Variants in GPHN observed in about 807,000 individuals in gnomAD.
The protein encoded by GPHN is gephyrin.
Under a neutral mutation model 95.5 loss-of-function variants are expected in GPHN, and 17 were observed. That is an observed-to-expected ratio of 0.18 (90% CI 0.12 to 0.27). The LOEUF (loss-of-function observed/expected upper bound fraction) is 0.27. Among genes scored for constraint, GPHN ranks in the 10% least tolerant of loss-of-function variants. The pLI is 1.00. For synonymous variants in GPHN, 320 were observed against 322.5 expected (o/e 0.99, Z 0.08); for missense variants, 660 against 978.1 (o/e 0.67, Z 4.34).
the GPHN span, among the ~76,000 whole-genome samples, chr14:67,258,454 A>G: frequency 3.9e-5 from 6 of 152,106 alleles, no homozygotes; most frequent in African/African-American, 1.2e-4. Flanking sequence ...GAGGATTGCA[A>G]CTGTTGTCCA....
At chr14:66,904,427 T>C (rs1298024538) in intron 5 of GPHN, among the ~76,000 whole-genome samples, 1 of 152,166 alleles carries the variant, frequency 6.6e-6, no homozygotes, top group Admixed American at 6.5e-5. Flanking sequence ...AGAGCGGTGA[T>C]TGGTGCGTTT....
intron 10 of GPHN, among the ~76,000 whole-genome samples, chr14:67,051,977 G>GA (rs1255473246): frequency 2.6e-5 from 4 of 151,456 alleles, no homozygotes; most frequent in Non-Finnish European, 5.9e-5. Flanking sequence ...AATATGGAAA[G>GA]AAAAAACCAA....
intron 10 of GPHN, among the ~76,000 whole-genome samples, chr14:67,036,145 T>A (rs906652481): frequency 2.6e-5 from 4 of 151,918 alleles, no homozygotes; most frequent in Non-Finnish European, 5.9e-5. Flanking sequence ...TCTCAAAAGG[T>A]GCAGAAAATG....
At chr14:67,286,373 T>G in the GPHN span, among the ~76,000 whole-genome samples, 35 of 152,352 alleles carry the variant, frequency 2.3e-4, no homozygotes, top group African/African-American at 8.4e-4. Context: ...GTCTTCTCTT[T>G]GTTGTCTCTG....
the GPHN span, among the ~76,000 whole-genome samples, chr14:67,367,760 C>T: frequency 6.6e-6 from 1 of 151,668 alleles, no homozygotes; most frequent in Admixed American, 6.6e-5. Context: ...GGTTTGAGCC[C>T]AGGAGGCGGA....
chr14:67,358,108 G>C, the GPHN span, among the ~76,000 whole-genome samples: 2 of 152,098 alleles, frequency 1.3e-5, no homozygotes, highest in Non-Finnish European at 2.9e-5. Flanking sequence ...GGGGGCGGCG[G>C]GGGGCGGCCT....
chr14:67,458,952 A>G, the GPHN span, among the ~76,000 whole-genome samples: 1 of 152,184 alleles, frequency 6.6e-6, no homozygotes, highest in African/African-American at 2.4e-5. Context: ...CAATGGCACG[A>G]TCTTGGCCCA....
At chr14:67,502,105 G>T in the GPHN span, among the ~76,000 whole-genome samples, 57 of 152,126 alleles carry the variant, frequency 3.7e-4, no homozygotes, top group African/African-American at 1.4e-3. Flanking sequence ...GGCCAAGGTG[G>T]GTGGATCACC....
At chr14:67,695,676 G>C in the GPHN span, 2 of 1,614,220 alleles carry the variant, frequency 1.2e-6, no homozygotes, top group Non-Finnish European at 1.7e-6. Flanking sequence ...AGAAGGAGGA[G>C]CAACAGCGGG....
chr14:66,753,573 A>G (rs1158489467), intron 2 of GPHN, among the ~76,000 whole-genome samples: 2 of 152,108 alleles, frequency 1.3e-5, no homozygotes, highest in African/African-American at 4.8e-5. Flanking sequence ...ATTGATGTGA[A>G]AACAAAATAT....
At chr14:67,619,984 C>T in the GPHN span, 236 of 1,601,908 alleles carry the variant, frequency 1.5e-4, 2 homozygotes, top group South Asian at 9.6e-4. Context: ...GATCATGTCC[C>T]TAAGGGGCAG....
At chr14:66,618,634 G>C (rs1231789693) in intron 1 of GPHN, among the ~76,000 whole-genome samples, 2 of 152,202 alleles carry the variant, frequency 1.3e-5, no homozygotes, top group Non-Finnish European at 2.9e-5. Flanking sequence ...TGGTCATTTG[G>C]TTTCAGGATT....
At chr14:66,943,069 T>C (rs2067523018) in intron 8 of GPHN, among the ~76,000 whole-genome samples, 2 of 152,186 alleles carry the variant, frequency 1.3e-5, no homozygotes, top group Non-Finnish European at 2.9e-5. Flanking sequence ...AAAAACCATA[T>C]AATACCTTTT....
In GPHN at chr14:66,836,850, C is replaced by CTGA. The variant is rs1193887404; in HGVS notation, c.294+12284_294+12285insTGA. Among the ~76,000 whole-genome samples the CTGA allele has an allele frequency of 5.8e-4, 88 of 151,932 alleles. 1 individual carries two copies. The highest frequency in any genetic ancestry group is 2.1e-3 in the African/African-American group (86 of 41,274). ...CAGAAAACACATGAAAAAATGCTCA[C>CTGA]CGTCACTGGCCATCAGAGAAATGCA... On this transcript the variant is annotated intron_variant, in intron 4 of 22. Transcript: ENST00000478722.
At chr14:67,606,688 C>T in the GPHN span, among the ~76,000 whole-genome samples, 1 of 152,002 alleles carries the variant, frequency 6.6e-6, no homozygotes, top group Non-Finnish European at 1.5e-5. Context: ...CTCTTGTTGC[C>T]CAGACTGGAG....
the GPHN span, among the ~76,000 whole-genome samples, chr14:67,372,841 A>C: frequency 6.6e-6 from 1 of 152,182 alleles, no homozygotes; most frequent in South Asian, 2.1e-4. Flanking sequence ...AAAAAAACAA[A>C]AAACAAACAA....
the GPHN span, chr14:67,203,320 G>T: frequency 8.5e-6 from 13 of 1,528,316 alleles, no homozygotes; most frequent in Admixed American, 2.2e-4. Flanking sequence ...AGAGGTTAAA[G>T]ATCTCTCAGA....
chr14:66,950,750 A>G (rs1023361571), intron 8 of GPHN, among the ~76,000 whole-genome samples: 2 of 152,192 alleles, frequency 1.3e-5, no homozygotes, highest in Non-Finnish European at 2.9e-5. Flanking sequence ...AAAATGAAAC[A>G]TAGATAAGAT....
At chr14:67,332,095 T>C in the GPHN span, among the ~76,000 whole-genome samples, 1 of 152,260 alleles carries the variant, frequency 6.6e-6, no homozygotes, top group African/African-American at 2.4e-5. Context: ...TGAGACATTT[T>C]GTCTTGAGTT....
Sources: allele counts gnomAD v4.1 joint callset (sites outside exome capture counted in the v4.1 genomes callset), GRCh38; gene constraint gnomAD v4.1.1; transcripts MANE v1.5; gene names NCBI Gene and HGNC (gene_info 2026-07-23, HGNC 2026-07-21).